Variants in IHO1 observed in about 807,000 individuals in gnomAD.
The protein encoded by IHO1 is interactor of HORMAD1 protein 1.
A neutral mutation model predicts 31.0 loss-of-function variants in IHO1; 13 were observed. The ratio of observed to expected loss-of-function variants is 0.42; its 90% CI spans 0.27 to 0.67. The LOEUF (loss-of-function observed/expected upper bound fraction) is 0.67. IHO1 is among the 30% of genes least tolerant of loss of function. The pLI, the probability that IHO1 is intolerant of heterozygous loss-of-function variation, is 0.24. For missense variants in IHO1, 599 were observed against 687.5 expected, an observed-to-expected ratio of 0.87 and a Z score of 1.44; for synonymous variants, 221 against 248.4, an observed-to-expected ratio of 0.89 and a Z score of 1.04.
intron 3 of IHO1, among the ~76,000 whole-genome samples, chr3:49,238,787 T>C (rs904183496): frequency 6.6e-6 from 1 of 152,124 alleles, no homozygotes; most frequent in African/African-American, 2.4e-5. Context: ...TGAAGTAACC[T>C]TGAGTATCAC....
intron 2 of IHO1, chr3:49,228,254 C>G (rs1192348852): frequency 6.9e-6 from 3 of 436,332 alleles, no homozygotes; most frequent in African/African-American, 4.1e-5. Flanking sequence ...TGGCTTTCCT[C>G]TCTGTCAACC....
chr3:49,220,050 C>T (rs1299993712), intron 2 of IHO1, among the ~76,000 whole-genome samples: 1 of 152,066 alleles, frequency 6.6e-6, no homozygotes, highest in East Asian at 1.9e-4. Context: ...AAGTGGTTGC[C>T]CCAGTGACTG....
chr3:49,245,026 C>T (rs2046677227), intron 6 of IHO1: 2 of 571,758 alleles, frequency 3.5e-6, no homozygotes, highest in African/African-American at 1.9e-5. Flanking sequence ...CATCTCACTG[C>T]CTGAAGTGAG....
Position 49,256,624 on chromosome 3 carries a change from G to A in IHO1, c.1127G>A (p.Gly376Asp). ...GAKNHGSSVP[G>D]HKIPSDRDLV... Reference sequence around the variant, plus strand: ...AAGAACCATGGTTCCAGCGTCCCAGGCCATAAGATTCCCAGTGACAGGGAC... The same window carrying A: ...AAGAACCATGGTTCCAGCGTCCCAGACCATAAGATTCCCAGTGACAGGGAC... The change falls in exon 8 of 8, where the codon GGC becomes GAC. Residue 376 changes from glycine to aspartate, a missense_variant. Coordinates refer to ENST00000452691, the MANE Select transcript of IHO1 (RefSeq NM_001135197.2). The surrounding 1 kb of genome is among the most constrained non-coding windows in gnomAD (Gnocchi z 4.6). The A allele has an allele frequency of 6.2e-7, 1 of 1,614,214 alleles. No homozygotes were observed. The highest frequency in any genetic ancestry group is 1.1e-5 in the South Asian group (1 of 91,092).
chr3:49,195,425 A>ACAACAACAACAAC, upstream of IHO1, among the ~76,000 whole-genome samples: 1 of 149,504 alleles, frequency 6.7e-6, no homozygotes, highest in East Asian at 2.0e-4. Context: ...CCATCTCAAA[A>ACAACAACAACAAC]AAAAAAAAGA....
At chr3:49,236,527 C>G in intron 2 of IHO1, 21 bp from the exon 3 acceptor site, 2 of 1,541,170 alleles carry the variant, frequency 1.3e-6, no homozygotes, top group Non-Finnish European at 1.8e-6. Flanking sequence ...ATTTGATACA[C>G]TTTTTTTTGC....
chr3:49,233,077 G>T (rs979371658), intron 2 of IHO1, among the ~76,000 whole-genome samples: 5 of 152,184 alleles, frequency 3.3e-5, no homozygotes, highest in Non-Finnish European at 5.9e-5. Flanking sequence ...CAGGTGCTGC[G>T]TAACGATTCC....
chr3:49,227,793 C>CT (rs1359980890), intron 2 of IHO1, among the ~76,000 whole-genome samples: 1 of 152,118 alleles, frequency 6.6e-6, no homozygotes, highest in Non-Finnish European at 1.5e-5. Context: ...AGAGTGACAC[C>CT]TTTTATCCTC....
At chr3:49,224,321 G>A (rs2046391875) in intron 2 of IHO1, among the ~76,000 whole-genome samples, 1 of 152,174 alleles carries the variant, frequency 6.6e-6, no homozygotes, top group Admixed American at 6.5e-5. Flanking sequence ...CTCAGCATCT[G>A]CCTGACGGTT....
upstream of IHO1, among the ~76,000 whole-genome samples, chr3:49,195,607 A>T (rs1559432625): frequency 6.7e-6 from 1 of 150,130 alleles, no homozygotes; most frequent in Non-Finnish European, 1.5e-5. Context: ...CCAGCTACTC[A>T]GGAGGCTAAG....
At chr3:49,255,296 C>T (rs1190320230) in intron 6 of IHO1, 94 bp from the exon 7 acceptor site, 2 of 822,186 alleles carry the variant, frequency 2.4e-6, no homozygotes, top group South Asian at 1.8e-5. Flanking sequence ...GCATCCAGCT[C>T]CTCCCTTTTC....
At chr3:49,224,764 C>A (rs997755170) in intron 2 of IHO1, among the ~76,000 whole-genome samples, 1 of 152,180 alleles carries the variant, frequency 6.6e-6, no homozygotes, top group South Asian at 2.1e-4. Flanking sequence ...TCATCTTGAG[C>A]GGCATAAGTC....
chr3:49,244,682 A>C lies in IHO1; in HGVS notation c.481A>C (p.Ser161Arg). 6.2e-7 allele frequency: 1 copy of C among 1,614,206 alleles called. No individual in the cohort carries two copies. Among genetic ancestry groups the C allele is most frequent in the South Asian group, 1.1e-5 (1 of 91,082 alleles). The stretch of plus-strand genomic sequence containing the variant: ...TGTGGAAAAGTCTGAGGACCATCTC[A>C]GTTCAAGAAGCCAATCTATTTTGGA... ...TSVEKSEDHL[S>R]SRSQSILDSL... Residue 161 changes from serine (S) to arginine (R), a missense_variant, in exon 6 of 8, where the codon AGT becomes CGT. Transcript: ENST00000452691.
At chr3:49,255,558 C>CTTTTT (rs11344456) in intron 7 of IHO1, 65 bp downstream of exon 7, 7 of 354,844 alleles carry the variant, frequency 2.0e-5, no homozygotes, top group South Asian at 1.2e-4. Context: ...CAGAGAGAAA[C>CTTTTT]TTTTTTTTTT....
At chr3:49,243,757 CAAAAAAAAA>C (rs1158612762) in intron 4 of IHO1, among the ~76,000 whole-genome samples, 3 of 44,588 alleles carry the variant, frequency 6.7e-5, no homozygotes, top group African/African-American at 2.6e-4. Flanking sequence ...GACTCTGTCT[CAAAAAAAAA>C]AAAAAAAAAA....
chr3:49,214,611 T>TATATATGTATATATAC (rs2046262361), intron 2 of IHO1, among the ~76,000 whole-genome samples: 1 of 27,056 alleles, frequency 3.7e-5, no homozygotes, highest in Non-Finnish European at 7.1e-5. Flanking sequence ...CTAGATCATA[T>TATATATGTATATATAC]ATATATATAT....
intron 2 of IHO1, among the ~76,000 whole-genome samples, chr3:49,214,607 C>CATATATAT (rs1311032715): frequency 3.6e-4 from 9 of 24,776 alleles, no homozygotes; most frequent in Admixed American, 8.7e-4. Flanking sequence ...ATTTCTAGAT[C>CATATATAT]ATATATATAT....
chr3:49,193,212 T>C, the IHO1 span, among the ~76,000 whole-genome samples: 1 of 150,474 alleles, frequency 6.6e-6, no homozygotes, highest in African/African-American at 2.4e-5. Context: ...CTCTACCAAA[T>C]ATACAAAAAA....
intron 1 of IHO1, among the ~76,000 whole-genome samples, chr3:49,211,198 C>T (rs1235696507): frequency 6.7e-6 from 1 of 148,920 alleles, no homozygotes; most frequent in African/African-American, 2.4e-5. Context: ...TTAGTAGAGA[C>T]GGGGTTTCAC....
Sources: gnomAD v4.1 joint callset for allele counts (sites outside exome capture counted in the v4.1 genomes callset) on GRCh38, gnomAD v4.1.1 for gene constraint, Gnocchi (gnomAD v3.1) non-coding constraint, MANE v1.5 for transcripts, NCBI Gene and HGNC (gene_info 2026-07-23, HGNC 2026-07-21) for gene names.